CLCF1: variants seen among roughly 807,000 people sequenced by gnomAD.
CLCF1 encodes the protein cardiotrophin-like cytokine factor 1.
A neutral mutation model predicts 21.2 loss-of-function variants in CLCF1; 10 were observed. The ratio of observed to expected loss-of-function variants is 0.47; its 90% CI spans 0.29 to 0.80. CLCF1 has a LOEUF of 0.80. Among genes scored for constraint, CLCF1 ranks in the 30% least tolerant of loss-of-function variants. The probability of loss-of-function intolerance (pLI) is 0.09; values close to 1 mark genes in which losing one functional copy is unlikely to be tolerated. For synonymous variants in CLCF1, 115 were observed against 120.5 expected (o/e 0.95, Z 0.30); for missense variants, 240 against 293.4 (o/e 0.82, Z 1.33).
intron 1 of CLCF1, chr11:67,370,513 CG>C: frequency 1.0e-6 from 1 of 984,648 alleles, no homozygotes; most frequent in Non-Finnish European, 1.2e-6. Flanking sequence ...GAGGAGCTAA[CG>C]AGTACAGCTC....
chr11:67,365,677 G>A lies in CLCF1; in HGVS notation c.184-47C>T. The A allele has an allele frequency of 1.3e-6, 2 of 1,561,214 alleles. No individual in the cohort carries two copies. On this transcript the variant is annotated intron_variant, in intron 2 of 2. Transcript: ENST00000312438. The surrounding 1 kb of genome is among the most constrained non-coding windows in gnomAD (Gnocchi z 5.0). The stretch of plus-strand genomic sequence containing the variant: ...GGGGAAGGAGGAGGGCAGAGCCGCT[G>A]GCTCACCACCAAGGAGATACCTGCT...
Position 67,364,953 on chromosome 11 carries a change from C to T in CLCF1, c.*183G>A, listed in dbSNP as rs1380816309. 6 of 917,228 alleles carry T rather than the reference C, an allele frequency of 6.5e-6. No individual in the cohort carries two copies. The highest frequency in any genetic ancestry group is 2.6e-5 in the East Asian group (1 of 37,934). 56.8% of individuals were successfully genotyped at this position (917,228 alleles called of 1,614,324 possible). A position where few individuals can be genotyped will look rare whatever the true frequency, so the allele number is the denominator to read the frequency against. On this transcript the variant is annotated 3_prime_UTR_variant, in exon 3 of 3. Coordinates refer to ENST00000312438, the MANE Select transcript of CLCF1 (RefSeq NM_013246.3). ...GGCCTACTGTACCTCCTCCCCAGCTCGGTAGACCTTTGGGAGGTGGGGAGG... is the reference window on the plus strand; with the variant it reads ...GGCCTACTGTACCTCCTCCCCAGCTTGGTAGACCTTTGGGAGGTGGGGAGG...
intron 2 of CLCF1, among the ~76,000 whole-genome samples, 170 bp downstream of exon 2, chr11:67,367,290 G>T (rs149088194): frequency 6.6e-6 from 1 of 152,278 alleles, no homozygotes; most frequent in African/African-American, 2.4e-5. Context: ...TGGGGAAGTG[G>T]GGGGGCCACC....
rs1862265314 is a variant in CLCF1, at chr11:67,372,667, G to A, written c.16+857C>T. Among the ~76,000 whole-genome samples the A allele has an allele frequency of 6.7e-6, 1 of 149,784 alleles. No individual in the cohort carries two copies. The highest frequency in any genetic ancestry group is 2.1e-4 in the South Asian group (1 of 4,800). ...GCGGGGTCCGGGGCACCGGGCTCCG[G>A]GCTCTGCCCGGCGCTGCCCTTTCCC... is the stretch of plus-strand genomic sequence containing the variant. On this transcript the variant is annotated intron_variant, in intron 1 of 2. Coordinates refer to ENST00000312438, the MANE Select transcript of CLCF1 (RefSeq NM_013246.3). The surrounding 1 kb of genome is among the most constrained non-coding windows in gnomAD (Gnocchi z 5.9).
intron 1 of CLCF1, chr11:67,368,497 G>A (rs1418532990): frequency 1.0e-6 from 1 of 985,200 alleles, no homozygotes; most frequent in Admixed American, 6.2e-5. Context: ...GCCAGGGTTG[G>A]GTGCTGTAAG....
intron 2 of CLCF1, among the ~76,000 whole-genome samples, chr11:67,367,035 C>T (rs1171190523): frequency 6.6e-6 from 1 of 152,170 alleles, no homozygotes. Context: ...GAAGGGAGGC[C>T]CCTGGGTCCA....
upstream of CLCF1, chr11:67,373,807 G>A: frequency 9.3e-7 from 1 of 1,075,214 alleles, no homozygotes; most frequent in Non-Finnish European, 1.2e-6. Context: ...GGGAAGGGAG[G>A]GCTTCTGGGG....
chr11:67,373,923 C>G (rs1862291875), upstream of CLCF1: 2 of 993,768 alleles, frequency 2.0e-6, no homozygotes, highest in South Asian at 9.5e-5. Context: ...ATCAGTCCGT[C>G]TGAGGACTCC....
intron 1 of CLCF1, 21 bp downstream of exon 1, chr11:67,373,503 C>T: frequency 1.5e-6 from 2 of 1,297,560 alleles, no homozygotes; most frequent in Non-Finnish European, 1.0e-6. Context: ...GGGGTCGGGG[C>T]CTCGGCCGCC....
In CLCF1 at chr11:67,364,913, A is replaced by AACAGG. The variant is rs1312176864; in HGVS notation, c.*218_*222dup. 1.5e-6 allele frequency: 1 copy of AACAGG among 659,816 alleles called. No individual in the cohort carries two copies. The highest frequency in any genetic ancestry group is 2.5e-6 in the Non-Finnish European group (1 of 399,108). 40.9% of individuals were successfully genotyped at this position (659,816 alleles called of 1,614,324 possible). ...TCCCTCGAGCATGACTTCCTGTAGA[A>AACAGG]ACAGGACAGGACAGGGCCTACTGTA... On this transcript the variant is annotated 3_prime_UTR_variant, in exon 3 of 3. Coordinates refer to ENST00000312438, the MANE Select transcript of CLCF1 (RefSeq NM_013246.3).
chr11:67,365,720 T>C lies in CLCF1; in HGVS notation c.184-90A>G. 6.6e-7 allele frequency: 1 copy of C among 1,507,752 alleles called. No individual in the cohort carries two copies. Among genetic ancestry groups the C allele is most frequent in the Non-Finnish European group, 8.9e-7 (1 of 1,129,114 alleles). The allele number at this position is 1,507,752 out of a possible 1,614,324, so 93.4% of individuals were successfully genotyped here. A position where few individuals can be genotyped will look rare whatever the true frequency, so the allele number is the denominator to read the frequency against. On this transcript the variant is annotated intron_variant, in intron 2 of 2. Coordinates refer to ENST00000312438, the MANE Select transcript of CLCF1 (RefSeq NM_013246.3). The surrounding 1 kb of genome is among the most constrained non-coding windows in gnomAD (Gnocchi z 5.0). ...TACCTGCTCCCAAAGTTTCTATTTT[T>C]TGTGTCCCCTGACACTGGCCCTGTC...
At position 67,365,403 on chromosome 11, in the gene CLCF1, G is replaced by A; in HGVS notation, c.411C>T (p.Cys137=). The A allele has an allele frequency of 6.2e-7, 1 of 1,613,312 alleles. No individual in the cohort carries two copies. The highest frequency in any genetic ancestry group is 1.1e-5 in the South Asian group (1 of 91,036). ...AELRRSLAHF[C]TSLQGLLGSI... ...TGCCCAGCAGGCCCTGGAGGCTGGTGCAGAAGTGGGCCAGGCTGCGGCGCA... is the reference window on the plus strand; with the variant it reads ...TGCCCAGCAGGCCCTGGAGGCTGGTACAGAAGTGGGCCAGGCTGCGGCGCA... Residue 137 remains cysteine, a synonymous_variant, in exon 3 of 3, where the codon TGC becomes TGT. Coordinates refer to ENST00000312438, the MANE Select transcript of CLCF1 (RefSeq NM_013246.3). The surrounding 1 kb of genome is among the most constrained non-coding windows in gnomAD (Gnocchi z 5.0).
At chr11:67,369,074 CAAGA>C (rs1862177547) in intron 1 of CLCF1, 6 of 985,044 alleles carry the variant, frequency 6.1e-6, no homozygotes, top group Non-Finnish European at 7.2e-6. Flanking sequence ...GATTTGGATT[CAAGA>C]AAGAATGAAG....
chr11:67,369,042 G>A (rs897163866), intron 1 of CLCF1: 3 of 981,864 alleles, frequency 3.1e-6, no homozygotes, highest in Non-Finnish European at 3.6e-6. Context: ...TAGGTATAAC[G>A]CTTTGCCCAT....
chr11:67,367,696 C>A, intron 1 of CLCF1, 70 bp from the exon 2 acceptor site: 1 of 1,565,142 alleles, frequency 6.4e-7, no homozygotes, highest in South Asian at 1.1e-5. Context: ...GGCAGCCCCT[C>A]AGGTGTCTGT....
In CLCF1 at chr11:67,365,140, A is replaced by T; in HGVS notation, c.674T>A (p.Phe225Tyr). 6.2e-7 allele frequency: 1 copy of T among 1,613,832 alleles called. No individual in the cohort carries two copies. Among genetic ancestry groups the T allele is most frequent in the Non-Finnish European group, 8.5e-7 (1 of 1,180,026 alleles). Residue 225 changes from phenylalanine (F) to tyrosine (Y), a missense_variant, in exon 3 of 3, where the codon TTC becomes TAC. Phe to Tyr is a conservative substitution (Grantham distance 22). Transcript: ENST00000312438. This position sits in a 1 kb window ranked among gnomAD's most constrained non-coding sequence, Gnocchi z 5.0. ...AVTLHLGAHG[F>Y] The stretch of plus-strand genomic sequence containing the variant: ...CGAAGAGGAGAAGGTCAGAAGTCAG[A>T]AGCCATGAGCCCCCAGGTGCAGGGT...
Position 67,365,759 on chromosome 11 carries a change from T to G in CLCF1, c.184-129A>C. On this transcript the variant is annotated intron_variant, in intron 2 of 2. Transcript: ENST00000312438. This position sits in a 1 kb window ranked among gnomAD's most constrained non-coding sequence, Gnocchi z 5.0. ...ACTGGCCCTGTCTCCATGCTAGGCTTCTTTGTTCATGGCCTCCCTGAGTTT... is the reference window on the plus strand; with the variant it reads ...ACTGGCCCTGTCTCCATGCTAGGCTGCTTTGTTCATGGCCTCCCTGAGTTT... 7.3e-7 allele frequency: 1 copy of G among 1,367,668 alleles called. No homozygotes were observed. Among genetic ancestry groups the G allele is most frequent in the South Asian group, 1.5e-5 (1 of 65,772 alleles). The allele number at this position is 1,367,668 out of a possible 1,614,324, so 84.7% of individuals were successfully genotyped here. A position where few individuals can be genotyped will look rare whatever the true frequency, so the allele number is the denominator to read the frequency against.
At position 67,367,628 on chromosome 11, in the gene CLCF1, T is replaced by G; in HGVS notation, c.17-2A>C. 1 of 1,612,706 alleles carries G rather than the reference T, an allele frequency of 6.2e-7. No homozygotes were observed. Among genetic ancestry groups the G allele is most frequent in the Non-Finnish European group, 8.5e-7 (1 of 1,179,818 alleles). ...ACGCTAACATCCCCCACGAGTCCCC[T>G]GTGGGCAGGATGGACGAGAAGCATG... On this transcript the variant is annotated splice_acceptor_variant, in intron 1 of 2. Transcript: ENST00000312438. LOFTEE classifies it high-confidence loss of function.
intron 1 of CLCF1, 176 bp from the exon 2 acceptor site, chr11:67,367,802 AAG>A (rs1862147053): frequency 3.0e-6 from 3 of 985,260 alleles, no homozygotes; most frequent in East Asian, 2.3e-4. Context: ...ACGGGAGAGA[AAG>A]AGAGGCATGT....
Sources: allele counts gnomAD v4.1 joint callset (sites outside exome capture counted in the v4.1 genomes callset), GRCh38; gene constraint gnomAD v4.1.1; non-coding constraint Gnocchi (gnomAD v3.1); transcripts MANE v1.5; gene names NCBI Gene and HGNC (gene_info 2026-07-23, HGNC 2026-07-21).